KCNN3: variants seen among roughly 807,000 people sequenced by gnomAD.
KCNN3 encodes the protein potassium calcium-activated channel subfamily N member 3.
A neutral mutation model predicts 62.9 loss-of-function variants in KCNN3; 16 were observed. That is an observed-to-expected ratio of 0.25 (90% CI 0.17 to 0.39). KCNN3 has a LOEUF of 0.39. Ranked by LOEUF, KCNN3 falls within the 10% of genes least tolerant of loss-of-function variation. KCNN3 has a pLI of 1.00. For synonymous variants in KCNN3, 370 were observed against 389.2 expected, an observed-to-expected ratio of 0.95 and a Z score of 0.58; for missense variants, 599 against 949.4, an observed-to-expected ratio of 0.63 and a Z score of 4.85.
chr1:154,771,964 A>G lies in KCNN3; in HGVS notation c.1448+11T>C. On this transcript the variant is annotated intron_variant, in intron 3 of 7. Coordinates refer to ENST00000271915, the MANE Select transcript of KCNN3 (RefSeq NM_002249.6). ...ACAGGCTCTGTACTCAGAAAGCCCCATGTGGAATACCTTTCACAGACACGG... is the reference window on the plus strand; with the variant it reads ...ACAGGCTCTGTACTCAGAAAGCCCCGTGTGGAATACCTTTCACAGACACGG... 1.9e-6 allele frequency: 3 copies of G among 1,613,502 alleles called. No homozygotes were observed. Among genetic ancestry groups the G allele is most frequent in the Non-Finnish European group, 2.5e-6 (3 of 1,179,642 alleles).
At chr1:154,755,674 GGAGA>G (rs1647634543) in intron 3 of KCNN3, among the ~76,000 whole-genome samples, 1 of 149,508 alleles carries the variant, frequency 6.7e-6, no homozygotes, top group Non-Finnish European at 1.5e-5. Flanking sequence ...GAAGAAAGAG[GGAGA>G]GAGGGAGAAG....
chr1:154,776,333 T>C (rs1335021277), intron 2 of KCNN3, among the ~76,000 whole-genome samples: 2 of 152,120 alleles, frequency 1.3e-5, no homozygotes, highest in African/African-American at 4.8e-5. Context: ...GATAAAAAGT[T>C]GGACAGTGCT....
chr1:154,767,783 C>A (rs1229555607), intron 3 of KCNN3, among the ~76,000 whole-genome samples: 2 of 152,234 alleles, frequency 1.3e-5, no homozygotes, highest in Non-Finnish European at 2.9e-5. Flanking sequence ...AAAACAAGCC[C>A]ACTGTTGTCA....
intron 2 of KCNN3, among the ~76,000 whole-genome samples, chr1:154,803,791 G>A: frequency 6.6e-6 from 1 of 152,190 alleles, no homozygotes; most frequent in Admixed American, 6.5e-5. Context: ...AGAGATGTGT[G>A]ACCATTTGGC....
intron 2 of KCNN3, among the ~76,000 whole-genome samples, chr1:154,804,581 T>A (rs1650090489): frequency 6.6e-6 from 1 of 152,044 alleles, no homozygotes; most frequent in Non-Finnish European, 1.5e-5. Context: ...AGAGAACACA[T>A]CTTATTCTTT....
chr1:154,787,655 C>T (rs2101858192), intron 2 of KCNN3, among the ~76,000 whole-genome samples: 1 of 152,322 alleles, frequency 6.6e-6, no homozygotes, highest in African/African-American at 2.4e-5. Flanking sequence ...ACACCTGGAG[C>T]TCTGGCTCTG....
intron 1 of KCNN3, chr1:154,868,020 G>A: frequency 1.0e-6 from 1 of 985,504 alleles, no homozygotes; most frequent in East Asian, 1.1e-4. Flanking sequence ...AGAGGCTGGA[G>A]CAGTGGGGCC....
intron 2 of KCNN3, among the ~76,000 whole-genome samples, chr1:154,812,407 C>A (rs1199314253): frequency 6.6e-6 from 1 of 152,106 alleles, no homozygotes; most frequent in Non-Finnish European, 1.5e-5. Context: ...ATCCCTCCCC[C>A]ATCCCCCCAC....
chr1:154,834,054 G>A (rs1651482525), intron 1 of KCNN3, among the ~76,000 whole-genome samples: 2 of 152,242 alleles, frequency 1.3e-5, no homozygotes, highest in Admixed American at 1.3e-4. Context: ...TTTTTCAATT[G>A]TTTGGATGTG....
chr1:154,747,729 T>C (rs901948929), intron 3 of KCNN3, among the ~76,000 whole-genome samples: 2 of 152,210 alleles, frequency 1.3e-5, no homozygotes, highest in Non-Finnish European at 2.9e-5. Context: ...GGTTGGAAAC[T>C]GTTGGCTGAT....
At chr1:154,731,389 C>T (rs1266509521) in intron 4 of KCNN3, among the ~76,000 whole-genome samples, 9 of 152,262 alleles carry the variant, frequency 5.9e-5, no homozygotes, top group African/African-American at 2.2e-4. Flanking sequence ...GACCTGCCTG[C>T]TAATAGGGAC....
Position 154,724,578 on chromosome 1 carries a change from C to T in KCNN3, c.1701+1338G>A, listed in dbSNP as rs372277144. ...TCCATAAAAGCTGTCCTTGAATAAA[C>T]AGCTCCTGCCTTGCCCATTTGGCCT... On this transcript the variant is annotated intron_variant, in intron 5 of 7. Coordinates refer to ENST00000271915, the MANE Select transcript of KCNN3 (RefSeq NM_002249.6). Among the ~76,000 whole-genome samples the T allele has an allele frequency of 3.3e-5, 5 of 152,336 alleles. No individual in the cohort carries two copies. The East Asian group carries it at 7.7e-4, about 23-fold the overall frequency.
At chr1:154,864,411 G>A (rs775853132) in intron 1 of KCNN3, among the ~76,000 whole-genome samples, 1 of 152,248 alleles carries the variant, frequency 6.6e-6, no homozygotes, top group Admixed American at 6.5e-5. Flanking sequence ...TGCAGACAAG[G>A]CTTCCGTGAC....
intron 2 of KCNN3, 134 bp downstream of exon 2, chr1:154,821,955 G>A (rs1217463663): frequency 9.9e-6 from 7 of 708,570 alleles, no homozygotes; most frequent in East Asian, 2.7e-5. Context: ...GAAGAGCCAC[G>A]ATCTTGGGCA....
intron 1 of KCNN3, among the ~76,000 whole-genome samples, chr1:154,827,290 T>C (rs906187552): frequency 3.9e-5 from 6 of 152,198 alleles, no homozygotes; most frequent in African/African-American, 1.4e-4. Context: ...GCTATGCAAA[T>C]TAAACCAGCC....
rs1035368271 is a variant in KCNN3, at chr1:154,697,836, T to G, written c.*10140A>C. The G allele has an allele frequency of 2.6e-5, 4 of 152,210 alleles. No homozygotes were observed. The highest frequency in any genetic ancestry group is 2.0e-4 in the Admixed American group (3 of 15,282). The allele number at this position is 152,210 out of a possible 1,614,324, so 9.4% of individuals were successfully genotyped here. A position where few individuals can be genotyped will look rare whatever the true frequency, so the allele number is the denominator to read the frequency against. On this transcript the variant is annotated 3_prime_UTR_variant, in exon 8 of 8. Coordinates refer to ENST00000271915, the MANE Select transcript of KCNN3 (RefSeq NM_002249.6). ...AGTGTGCTGAGAAATCCTAGCCTGTTTTTTCCATTTAATTCCTGTAGATGA... is the reference window on the plus strand; with the variant it reads ...AGTGTGCTGAGAAATCCTAGCCTGTGTTTTCCATTTAATTCCTGTAGATGA...
At chr1:154,826,074 C>A (rs28461384) in intron 1 of KCNN3, among the ~76,000 whole-genome samples, 345 of 14,986 alleles carry the variant, frequency 0.023, 10 homozygotes, top group East Asian at 0.2. Flanking sequence ...AAAACAAAAA[C>A]AAAAACAAAA....
intron 1 of KCNN3, among the ~76,000 whole-genome samples, chr1:154,858,004 A>G (rs1652606414): frequency 6.6e-6 from 1 of 152,090 alleles, no homozygotes; most frequent in Admixed American, 6.5e-5. Context: ...CCACCAGGAA[A>G]CCCTCATGAC....
At chr1:154,735,932 C>A (rs1275043693) in intron 3 of KCNN3, among the ~76,000 whole-genome samples, 3 of 152,240 alleles carry the variant, frequency 2.0e-5, no homozygotes, top group Non-Finnish European at 4.4e-5. Flanking sequence ...CTCCACGCCA[C>A]AAGCCTGCAA....
Sources: gnomAD v4.1 joint callset for allele counts (sites outside exome capture counted in the v4.1 genomes callset) on GRCh38, gnomAD v4.1.1 for gene constraint, MANE v1.5 for transcripts, NCBI Gene and HGNC (gene_info 2026-07-23, HGNC 2026-07-21) for gene names.